The following UNC5C variants were observed in gnomAD, a reference collection of about 807,000 sequenced individuals.
The protein encoded by UNC5C is unc-5 netrin receptor C.
UNC5C carries 47 observed loss-of-function variants against 99.8 expected under a neutral mutation model. The observed-to-expected ratio is 0.47, with a 90% CI of 0.37 to 0.60. The LOEUF (loss-of-function observed/expected upper bound fraction) is 0.60, where lower values mean the gene tolerates loss of function less well. Ranked by LOEUF, UNC5C falls within the 20% of genes least tolerant of loss-of-function variation. The pLI is 0.00. For synonymous variants in UNC5C, 487 were observed against 452.2 expected (o/e 1.08, Z -0.98); for missense variants, 1,062 against 1,165.9 (o/e 0.91, Z 1.30).
At chr4:95,486,036 T>C (rs1721318940) in intron 1 of UNC5C, among the ~76,000 whole-genome samples, 1 of 151,786 alleles carries the variant, frequency 6.6e-6, no homozygotes, top group South Asian at 2.1e-4. Flanking sequence ...AATATTAGGT[T>C]ACTTAAGAGG....
chr4:95,456,942 G>A (rs190267932), intron 1 of UNC5C, among the ~76,000 whole-genome samples: 1 of 152,068 alleles, frequency 6.6e-6, no homozygotes, highest in East Asian at 1.9e-4. Context: ...TAAGTAACAT[G>A]GGCAATAAGA....
Position 95,202,911 on chromosome 4 carries a change from C to T in UNC5C, c.1956G>A (p.Leu652=). 1.9e-6 allele frequency: 3 copies of T among 1,614,208 alleles called. No individual in the cohort carries two copies. The South Asian group carries it at 3.3e-5, about 18-fold the overall frequency. ...ENFTTPCYIQ[L]DAEACHILTE... ...TGAGGATGTGGCAGGCCTCTGCATC[C>T]AGCTGAATGTAGCAGGGGGTGGTGA... Residue 652 remains leucine (L), a synonymous_variant, in exon 12 of 16, where the codon CTG becomes CTA. Transcript: ENST00000453304.
rs538473299 is a variant in UNC5C at position 95,171,842 on chromosome 4, T to G, written c.2452-1510A>C. Reference sequence around the variant, plus strand: ...GACTTCCACAATGGTTGAACTAGTTTACAGTCCCACCAACAGTGTAAAAGT... The same window carrying G: ...GACTTCCACAATGGTTGAACTAGTTGACAGTCCCACCAACAGTGTAAAAGT... On this transcript the variant is annotated intron_variant, in intron 14 of 15. Coordinates refer to ENST00000453304, the MANE Select transcript of UNC5C (RefSeq NM_003728.4). Among the ~76,000 whole-genome samples the G allele has an allele frequency of 7.7e-3, 1,167 of 152,002 alleles. 16 individuals carry two copies. Among genetic ancestry groups the G allele is most frequent in the African/African-American group, 0.026 (1,083 of 41,304 alleles).
intron 14 of UNC5C, among the ~76,000 whole-genome samples, chr4:95,180,657 A>G (rs1736575797): frequency 6.6e-6 from 1 of 152,198 alleles, no homozygotes; most frequent in African/African-American, 2.4e-5. Flanking sequence ...GGTGGGCAAC[A>G]GGTCCTCTGT....
chr4:95,199,274 C>G (rs553385554), intron 12 of UNC5C, among the ~76,000 whole-genome samples: 4 of 152,148 alleles, frequency 2.6e-5, no homozygotes, highest in Non-Finnish European at 5.9e-5. Context: ...TTGAGCTAAT[C>G]AGCCCCAAAT....
At chr4:95,260,108 T>C (rs1037901773) in intron 4 of UNC5C, among the ~76,000 whole-genome samples, 1 of 152,220 alleles carries the variant, frequency 6.6e-6, no homozygotes. Context: ...AAAAAGGGAC[T>C]GTCCCCCATC....
intron 12 of UNC5C, among the ~76,000 whole-genome samples, chr4:95,189,307 C>T (rs1579212662): frequency 6.6e-6 from 1 of 152,294 alleles, no homozygotes; most frequent in South Asian, 2.1e-4. Context: ...TTTTTAGACA[C>T]CTTCTTTCTT....
chr4:95,360,267 A>G (rs1224531129), intron 1 of UNC5C, among the ~76,000 whole-genome samples: 1 of 152,166 alleles, frequency 6.6e-6, no homozygotes, highest in Non-Finnish European at 1.5e-5. Context: ...TTTAACCAAT[A>G]TATTTATAAA....
At chr4:95,498,523 A>T (rs1721687178) in intron 1 of UNC5C, among the ~76,000 whole-genome samples, 1 of 152,090 alleles carries the variant, frequency 6.6e-6, no homozygotes, top group Admixed American at 6.6e-5. Flanking sequence ...TCTAAAAAGT[A>T]AAAAGTGTAT....
At chr4:95,412,661 A>G (rs896458843) in intron 1 of UNC5C, among the ~76,000 whole-genome samples, 3 of 152,212 alleles carry the variant, frequency 2.0e-5, no homozygotes, top group African/African-American at 7.2e-5. Context: ...CTGAAAATCT[A>G]CCATTTACAA....
At position 95,235,784 on chromosome 4, in the gene UNC5C, A is replaced by G. The variant is rs1170330415; in HGVS notation, c.1108+6645T>C. Among the ~76,000 whole-genome samples, 6 of 152,212 alleles carry G rather than the reference A, an allele frequency of 3.9e-5. No homozygotes were observed. The East Asian group carries it at 7.7e-4, about 20-fold the overall frequency. ...GTTTTTGAGTGGGCAAAGGATATGA[A>G]CAGACACTTCTCAAAAGAAGACATT... On this transcript the variant is annotated intron_variant, in intron 7 of 15. Coordinates refer to ENST00000453304, the MANE Select transcript of UNC5C (RefSeq NM_003728.4).
At chr4:95,191,409 T>A (rs1309271234) in intron 12 of UNC5C, among the ~76,000 whole-genome samples, 1 of 152,144 alleles carries the variant, frequency 6.6e-6, no homozygotes, top group Non-Finnish European at 1.5e-5. Context: ...GGGTCCAGGC[T>A]GAAGCTGGGT....
chr4:95,501,185 T>C (rs1721766997), intron 1 of UNC5C, among the ~76,000 whole-genome samples: 1 of 152,088 alleles, frequency 6.6e-6, no homozygotes, highest in South Asian at 2.1e-4. Context: ...AAATACATGA[T>C]AGTACAATTA....
chr4:95,389,093 C>G (rs930362061), intron 1 of UNC5C, among the ~76,000 whole-genome samples: 1 of 152,102 alleles, frequency 6.6e-6, no homozygotes, highest in Non-Finnish European at 1.5e-5. Context: ...TGCTGTTATT[C>G]AAAAACACTT....
Position 95,316,924 on chromosome 4 carries a change from T to G in UNC5C, c.347-15175A>C, listed in dbSNP as rs1466222461. Reference sequence around the variant, plus strand: ...TCTGAGGTCCTAAAAAGAAAAATAATGACAGAGAATGGCTGTAATTTCATA... The same window carrying G: ...TCTGAGGTCCTAAAAAGAAAAATAAGGACAGAGAATGGCTGTAATTTCATA... On this transcript the variant is annotated intron_variant, in intron 2 of 15. Coordinates refer to ENST00000453304, the MANE Select transcript of UNC5C (RefSeq NM_003728.4). Among the ~76,000 whole-genome samples, 10 of 148,926 alleles carry G rather than the reference T, an allele frequency of 6.7e-5. No individual in the cohort carries two copies. In the South Asian group the frequency reaches 1.5e-3, roughly 22 times the overall value.
intron 1 of UNC5C, among the ~76,000 whole-genome samples, chr4:95,539,043 T>C (rs1722849847): frequency 6.6e-6 from 1 of 152,204 alleles, no homozygotes; most frequent in Admixed American, 6.5e-5. Context: ...CACTTTATTC[T>C]GGTCAGAGAA....
At chr4:95,214,517 C>A (rs1306107857) in intron 10 of UNC5C, among the ~76,000 whole-genome samples, 4 of 152,196 alleles carry the variant, frequency 2.6e-5, no homozygotes, top group African/African-American at 9.6e-5. Context: ...CTAAAATGTA[C>A]AATTATCCTG....
chr4:95,464,806 A>G (rs192164206), intron 1 of UNC5C, among the ~76,000 whole-genome samples: 1 of 152,290 alleles, frequency 6.6e-6, no homozygotes, highest in African/African-American at 2.4e-5. Flanking sequence ...CCTATACCTC[A>G]TGTAAGTTTT....
In UNC5C at chr4:95,528,749, G is replaced by A. The variant is rs562819357; in HGVS notation, c.124+19985C>T. Among the ~76,000 whole-genome samples the A allele has an allele frequency of 1.3e-3, 203 of 152,168 alleles. 1 individual carries two copies. The highest frequency in any genetic ancestry group is 2.5e-3 in the Non-Finnish European group (172 of 68,016). The stretch of plus-strand genomic sequence containing the variant: ...GACTCTGTGCAGCTCCCCACTTCAA[G>A]GTAAAGACAAGAGCTGTTAAAAGGA... On this transcript the variant is annotated intron_variant, in intron 1 of 15. Coordinates refer to ENST00000453304, the MANE Select transcript of UNC5C (RefSeq NM_003728.4).
Sources: allele counts gnomAD v4.1 joint callset (sites outside exome capture counted in the v4.1 genomes callset), GRCh38; gene constraint gnomAD v4.1.1; transcripts MANE v1.5; gene names NCBI Gene and HGNC (gene_info 2026-07-23, HGNC 2026-07-21).